RANBP2: variants seen among roughly 807,000 people sequenced by gnomAD.
RANBP2 encodes E3 SUMO-protein ligase RanBP2.
RANBP2 carries 57 observed loss-of-function variants against 303.6 expected under a neutral mutation model. The observed-to-expected ratio is 0.19, with a 90% CI of 0.15 to 0.23. The LOEUF (loss-of-function observed/expected upper bound fraction) is 0.23, where lower values mean the gene tolerates loss of function less well. RANBP2 is among the 10% of genes least tolerant of loss of function. RANBP2 has a pLI of 1.00. For missense variants in RANBP2, 3,138 were observed against 3,780.8 expected (o/e 0.83, Z 4.46); for synonymous variants, 1,167 against 1,301.5 (o/e 0.90, Z 2.23).
the RANBP2 span, among the ~76,000 whole-genome samples, chr2:109,399,726 C>T: frequency 2.6e-5 from 4 of 152,254 alleles, no homozygotes; most frequent in Admixed American, 1.3e-4. Context: ...GTGGCATGCA[C>T]AGGGCAGGAG....
chr2:108,935,073 G>A, the RANBP2 span, among the ~76,000 whole-genome samples: 2 of 152,212 alleles, frequency 1.3e-5, no homozygotes, highest in African/African-American at 2.4e-5. Context: ...CATGATATAA[G>A]AGACCGCATG....
chr2:109,481,512 T>C, the RANBP2 span, among the ~76,000 whole-genome samples: 2 of 152,150 alleles, frequency 1.3e-5, no homozygotes, highest in Non-Finnish European at 2.9e-5. Context: ...GGCCTGTTAT[T>C]GCTCGGGAAG....
the RANBP2 span, among the ~76,000 whole-genome samples, chr2:109,497,181 T>C: frequency 1.3e-5 from 2 of 152,344 alleles, no homozygotes; most frequent in Admixed American, 1.3e-4. Context: ...ACAACTAATA[T>C]GTGTGTTGAT....
the RANBP2 span, among the ~76,000 whole-genome samples, chr2:109,176,928 A>G: frequency 6.6e-6 from 1 of 152,182 alleles, no homozygotes; most frequent in African/African-American, 2.4e-5. Flanking sequence ...GACTGGTGGA[A>G]AGGAGATTGA....
the RANBP2 span, among the ~76,000 whole-genome samples, chr2:109,361,272 A>G: frequency 6.6e-6 from 1 of 152,166 alleles, no homozygotes; most frequent in African/African-American, 2.4e-5. Context: ...TGAGATATAT[A>G]GGTCTGTAAT....
the RANBP2 span, among the ~76,000 whole-genome samples, chr2:109,111,957 T>G: frequency 1.3e-5 from 2 of 152,186 alleles, no homozygotes; most frequent in South Asian, 2.1e-4. Context: ...ACAAAGGACA[T>G]GAACTCATCA....
the RANBP2 span, among the ~76,000 whole-genome samples, chr2:109,117,531 G>C: frequency 6.6e-6 from 1 of 152,186 alleles, no homozygotes; most frequent in Non-Finnish European, 1.5e-5. Context: ...TCCAGGTGCC[G>C]TTTGTCACCC....
At chr2:109,652,372 G>A in the RANBP2 span, among the ~76,000 whole-genome samples, 8 of 151,502 alleles carry the variant, frequency 5.3e-5, no homozygotes, top group African/African-American at 7.3e-5. Context: ...ACAGGCACCC[G>A]CCACCACGCC....
chr2:109,286,955 G>A, the RANBP2 span, among the ~76,000 whole-genome samples: 2 of 152,194 alleles, frequency 1.3e-5, no homozygotes, highest in African/African-American at 2.4e-5. Flanking sequence ...TGCCCAGGTG[G>A]TTCCGCCATC....
chr2:109,697,128 G>A, the RANBP2 span, among the ~76,000 whole-genome samples: 1 of 152,132 alleles, frequency 6.6e-6, no homozygotes, highest in Non-Finnish European at 1.5e-5. Context: ...AGTTTTCAAT[G>A]TACAGGTTTG....
the RANBP2 span, among the ~76,000 whole-genome samples, chr2:109,708,619 C>G: frequency 6.6e-6 from 1 of 151,826 alleles, no homozygotes; most frequent in Non-Finnish European, 1.5e-5. Flanking sequence ...CCACTGTACT[C>G]CATCCTGAGC....
the RANBP2 span, among the ~76,000 whole-genome samples, chr2:109,361,708 T>G: frequency 6.6e-6 from 1 of 152,196 alleles, no homozygotes; most frequent in African/African-American, 2.4e-5. Context: ...ACTCCTGACT[T>G]CAAATAATCT....
chr2:109,478,464 G>C, the RANBP2 span, among the ~76,000 whole-genome samples: 1 of 152,172 alleles, frequency 6.6e-6, no homozygotes, highest in Non-Finnish European at 1.5e-5. Flanking sequence ...GATTTGGTTT[G>C]AATGTATTCA....
the RANBP2 span, among the ~76,000 whole-genome samples, chr2:109,225,243 C>T: frequency 3.4e-3 from 522 of 152,272 alleles, 4 homozygotes; most frequent in African/African-American, 0.012. Context: ...ATTTTAATAA[C>T]GATAATAATA....
the RANBP2 span, among the ~76,000 whole-genome samples, chr2:109,164,597 C>T: frequency 6.6e-6 from 1 of 152,184 alleles, no homozygotes; most frequent in Non-Finnish European, 1.5e-5. Context: ...AGAACTCAGC[C>T]AGGCAGCAAT....
At chr2:109,369,181 T>TAAAA in the RANBP2 span, among the ~76,000 whole-genome samples, 1 of 138,264 alleles carries the variant, frequency 7.2e-6, no homozygotes. Context: ...CGTCTCTTCT[T>TAAAA]AAAAAAAAAA....
the RANBP2 span, among the ~76,000 whole-genome samples, chr2:109,307,836 G>C: frequency 4.3e-5 from 6 of 139,124 alleles, no homozygotes; most frequent in East Asian, 1.2e-3. Context: ...TTGGACATTT[G>C]GGTTGGTTCC....
At chr2:109,301,665 A>G in the RANBP2 span, among the ~76,000 whole-genome samples, 4 of 152,262 alleles carry the variant, frequency 2.6e-5, no homozygotes, top group Non-Finnish European at 4.4e-5. Context: ...GCTCCTTTGC[A>G]TAGAAATTTG....
At chr2:108,886,992 A>G in the RANBP2 span, among the ~76,000 whole-genome samples, 1 of 151,958 alleles carries the variant, frequency 6.6e-6, no homozygotes, top group Non-Finnish European at 1.5e-5. Context: ...AGGCTTTCTT[A>G]TGCTGTTTTT....
Sources: gnomAD v4.1 joint callset for allele counts (sites outside exome capture counted in the v4.1 genomes callset) on GRCh38, gnomAD v4.1.1 for gene constraint, MANE v1.5 for transcripts, NCBI Gene and HGNC (gene_info 2026-07-23, HGNC 2026-07-21) for gene names.